LIPH: variants seen among roughly 807,000 people sequenced by gnomAD.
LIPH encodes the protein lipase H.
A neutral mutation model predicts 47.6 loss-of-function variants in LIPH; 32 were observed. The ratio of observed to expected loss-of-function variants is 0.67; its 90% CI spans 0.51 to 0.90. LIPH has a LOEUF of 0.90. LIPH is among the 40% of genes least tolerant of loss of function. LIPH has a pLI of 0.00. For synonymous variants in LIPH, 190 were observed against 195.6 expected, an observed-to-expected ratio of 0.97 and a Z score of 0.24; for missense variants, 497 against 541.4, an observed-to-expected ratio of 0.92 and a Z score of 0.81.
intron 3 of LIPH, 43 bp downstream of exon 3, chr3:185,533,528 C>T (rs371947317): frequency 1.0e-5 from 14 of 1,336,740 alleles, no homozygotes; most frequent in African/African-American, 1.0e-4. Flanking sequence ...CCAGTGAACA[C>T]CCTGCCCAGG....
Position 185,534,751 on chromosome 3 carries a change from G to A in LIPH, c.417+14C>T. The A allele has an allele frequency of 6.2e-7, 1 of 1,612,740 alleles. No individual in the cohort carries two copies. The highest frequency in any genetic ancestry group is 2.2e-5 in the East Asian group (1 of 44,888). ...TTCAACTTAGCTCTGAATCATCTAA[G>A]AGAATTCTCTTACCAACATCTGGTC... is the stretch of plus-strand genomic sequence containing the variant. On this transcript the variant is annotated intron_variant, in intron 2 of 9. Transcript: ENST00000296252.
At position 185,511,516 on chromosome 3, in the gene LIPH, C is replaced by T. The variant is rs1719562856; in HGVS notation, c.1268+8G>A. On this transcript the variant is annotated splice_region_variant and intron_variant, in intron 9 of 9. Transcript: ENST00000296252. ...ACAGCGTTTTGTCAAACCGTACCCT[C>T]AGCTCACCTCTCCGGATGGGCAAGG... 6.2e-7 allele frequency: 1 copy of T among 1,614,060 alleles called. No individual in the cohort carries two copies. The highest frequency in any genetic ancestry group is 8.5e-7 in the Non-Finnish European group (1 of 1,179,908).
At chr3:185,520,006 G>A (rs1719853079) in intron 5 of LIPH, among the ~76,000 whole-genome samples, 1 of 152,040 alleles carries the variant, frequency 6.6e-6, no homozygotes, top group Non-Finnish European at 1.5e-5. Context: ...ATTCAGAGGA[G>A]GCGCAGGCAT....
intron 4 of LIPH, among the ~76,000 whole-genome samples, chr3:185,524,630 T>C (rs1205786718): frequency 6.6e-6 from 1 of 152,078 alleles, no homozygotes; most frequent in Non-Finnish European, 1.5e-5. Flanking sequence ...TTTGTGTTTT[T>C]AGTAGAGACG....
At chr3:185,536,254 A>G (rs986346094) in intron 1 of LIPH, among the ~76,000 whole-genome samples, 3 of 152,204 alleles carry the variant, frequency 2.0e-5, no homozygotes, top group Non-Finnish European at 2.9e-5. Context: ...CATGTGGAAC[A>G]GCAAGTCATC....
intron 9 of LIPH, 52 bp downstream of exon 9, chr3:185,511,472 C>CCAGCAACATCTTTGGAAAACAG: frequency 6.5e-7 from 1 of 1,541,930 alleles, no homozygotes; most frequent in Non-Finnish European, 9.0e-7. Context: ...TGGACAGGAT[C>CCAGCAACATCTTTGGAAAACAG]CAGCAACATC....
intron 9 of LIPH, among the ~76,000 whole-genome samples, chr3:185,510,869 A>G (rs954297098): frequency 1.3e-5 from 2 of 152,154 alleles, no homozygotes; most frequent in East Asian, 1.9e-4. Flanking sequence ...AATTATCCAA[A>G]GCTTTCTTTT....
intron 9 of LIPH, among the ~76,000 whole-genome samples, chr3:185,509,344 T>A (rs986865555): frequency 6.8e-6 from 1 of 146,480 alleles, no homozygotes; most frequent in Non-Finnish European, 1.5e-5. Flanking sequence ...AAGCAAGATA[T>A]ATGGCCAGGC....
In LIPH at chr3:185,511,521, C is replaced by A. The variant is rs1035013238; in HGVS notation, c.1268+3G>T. 2.5e-6 allele frequency: 4 copies of A among 1,614,006 alleles called. No individual in the cohort carries two copies. Among genetic ancestry groups the A allele is most frequent in the African/African-American group, 2.7e-5 (2 of 74,938 alleles). On this transcript the variant is annotated splice_donor_region_variant and intron_variant, in intron 9 of 9. Transcript: ENST00000296252. ...GTTTTGTCAAACCGTACCCTCAGCTCACCTCTCCGGATGGGCAAGGGACCT... is the reference window on the plus strand; with the variant it reads ...GTTTTGTCAAACCGTACCCTCAGCTAACCTCTCCGGATGGGCAAGGGACCT...
chr3:185,515,053 C>T (rs1388781505), intron 7 of LIPH, among the ~76,000 whole-genome samples: 1 of 152,156 alleles, frequency 6.6e-6, no homozygotes, highest in Non-Finnish European at 1.5e-5. Flanking sequence ...TAGGTTTCAA[C>T]TTAATGTCAT....
chr3:185,522,636 G>GAGAGAAAGAA (rs55846829), intron 5 of LIPH, among the ~76,000 whole-genome samples: 45,023 of 138,492 alleles, frequency 0.33, 8,317 homozygotes, highest in Non-Finnish European at 0.39. Context: ...AGAAGGAAAA[G>GAGAGAAAGAA]AAAGAGAGAA....
At chr3:185,543,536 C>T (rs1437297471) in intron 1 of LIPH, among the ~76,000 whole-genome samples, 1 of 152,190 alleles carries the variant, frequency 6.6e-6, no homozygotes, top group Non-Finnish European at 1.5e-5. Context: ...TTTGCTAATG[C>T]AGTGTTTGAG....
intron 9 of LIPH, among the ~76,000 whole-genome samples, chr3:185,511,262 C>T (rs1471543359): frequency 3.3e-5 from 5 of 150,960 alleles, no homozygotes; most frequent in African/African-American, 1.2e-4. Context: ...GACAGGGTCT[C>T]CATACGTTGC....
intron 1 of LIPH, among the ~76,000 whole-genome samples, chr3:185,551,779 A>T (rs557432291): frequency 6.6e-6 from 1 of 152,274 alleles, no homozygotes; most frequent in Admixed American, 6.5e-5. Context: ...AACAAAACTG[A>T]ATACCTAAAA....
intron 3 of LIPH, among the ~76,000 whole-genome samples, chr3:185,529,953 AGAAAGAAAGAAG>A (rs1375834989): frequency 0.012 from 647 of 54,538 alleles, 7 homozygotes; most frequent in South Asian, 0.023. Context: ...AAAGAAAGAA[AGAAAGAAAGAAG>A]GAAAGAAAGA....
chr3:185,546,994 T>A (rs1370341693), intron 1 of LIPH: 2 of 429,924 alleles, frequency 4.7e-6, no homozygotes, highest in Non-Finnish European at 9.1e-6. Context: ...GAAGACAGAA[T>A]TATGGACAGA....
At chr3:185,522,654 G>GAAAGAAAGA (rs1553821801) in intron 5 of LIPH, among the ~76,000 whole-genome samples, 3 of 30,670 alleles carry the variant, frequency 9.8e-5, no homozygotes, top group East Asian at 1.4e-3. Context: ...GAAAGAAAAA[G>GAAAGAAAGA]AAAGAAAGAA....
At chr3:185,537,480 T>C (rs1466479662) in intron 1 of LIPH, among the ~76,000 whole-genome samples, 1 of 152,166 alleles carries the variant, frequency 6.6e-6, no homozygotes, top group East Asian at 1.9e-4. Context: ...CCTCTTCCTG[T>C]AAGTCGCATG....
intron 3 of LIPH, among the ~76,000 whole-genome samples, chr3:185,528,203 G>C (rs755268027): frequency 1.5e-4 from 21 of 143,646 alleles, no homozygotes; most frequent in African/African-American, 1.8e-4. Context: ...GCAGAGCAAG[G>C]CTCTGTCTCG....
Sources: gnomAD v4.1 joint callset for allele counts (sites outside exome capture counted in the v4.1 genomes callset) on GRCh38, gnomAD v4.1.1 for gene constraint, MANE v1.5 for transcripts, NCBI Gene and HGNC (gene_info 2026-07-23, HGNC 2026-07-21) for gene names.